Variants in MUC12 observed in about 807,000 individuals in gnomAD.
MUC12 encodes the protein mucin 12, cell surface associated.
Under a neutral mutation model 230.8 loss-of-function variants are expected in MUC12, and 172 were observed. The ratio of observed to expected loss-of-function variants is 0.75; its 90% CI spans 0.66 to 0.85. The LOEUF (loss-of-function observed/expected upper bound fraction) is 0.85. MUC12 is among the 40% of genes least tolerant of loss of function. The pLI is 0.00. For synonymous variants in MUC12, 1,259 were observed against 2,401.9 expected, an observed-to-expected ratio of 0.52 and a Z score of 13.91; for missense variants, 3,506 against 5,920.6, an observed-to-expected ratio of 0.59 and a Z score of 13.38.
At position 100,991,938 on chromosome 7, in the gene MUC12, T is replaced by G. The variant is rs1793322327; in HGVS notation, c.1375T>G (p.Ser459Ala). 2.0e-6 allele frequency: 3 copies of G among 1,537,818 alleles called. No homozygotes were observed. The highest frequency in any genetic ancestry group is 2.6e-6 in the Non-Finnish European group (3 of 1,147,050). ...AGTCTTACCTGCCGGCTCTACACCCTCAGTTCTTGTTGGAGACTCGACGCC... is the reference window on the plus strand; with the variant it reads ...AGTCTTACCTGCCGGCTCTACACCCGCAGTTCTTGTTGGAGACTCGACGCC... ...TTVLPAGSTP[S>A]VLVGDSTPSP... Residue 459 changes from serine to alanine, a missense_variant, in exon 2 of 12, where the codon TCA becomes GCA. By Grantham distance (99) the Ser-to-Ala change is moderately conservative. Coordinates refer to ENST00000536621, the MANE Select transcript of MUC12 (RefSeq NM_001164462.2).
At position 101,002,776 on chromosome 7, in the gene MUC12, T is replaced by A. The variant is rs1445358320; in HGVS notation, c.12213T>A (p.Thr4071=). Reference sequence around the variant, plus strand: ...TGACCCCTGCCAGCTCCACAAGCACTGGCCTTCAGGAAGAATCTACCACTT... The same window carrying A: ...TGACCCCTGCCAGCTCCACAAGCACAGGCCTTCAGGAAGAATCTACCACTT... ...TTLTPASSTS[T]GLQEESTTFQ... is the part of the protein sequence containing the mutation. Residue 4071 remains threonine (T), a synonymous_variant, in exon 2 of 12, where the codon ACT becomes ACA. Transcript: ENST00000536621. 5.2e-6 allele frequency: 6 copies of A among 1,163,862 alleles called. 1 individual carries two copies. Among genetic ancestry groups the A allele is most frequent in the Non-Finnish European group, 7.2e-6 (6 of 832,350 alleles). 72.1% of individuals were successfully genotyped at this position (1,163,862 alleles called of 1,614,324 possible).
rs961920923 is a variant in MUC12 at position 101,013,965 on chromosome 7, A to G, written c.15691A>G (p.Ile5231Val). The G allele has an allele frequency of 2.6e-6, 4 of 1,536,600 alleles. No homozygotes were observed. The Admixed American group carries it at 7.9e-5, about 30-fold the overall frequency. Reference sequence around the variant, plus strand: ...CTGGGGAGAGACCTGTGAATTCAACATCGCCAAGAGCCTCGTGTATGGGAT... The same window carrying G: ...CTGGGGAGAGACCTGTGAATTCAACGTCGCCAAGAGCCTCGTGTATGGGAT... ...WYWGETCEFN[I>V]AKSLVYGIVG... Residue 5231 changes from isoleucine (I) to valine (V), a missense_variant, in exon 9 of 12, where the codon ATC becomes GTC. Ile to Val is a conservative substitution (Grantham distance 29, BLOSUM62 3). Coordinates refer to ENST00000536621, the MANE Select transcript of MUC12 (RefSeq NM_001164462.2).
At chr7:101,017,504 G>T in intron 10 of MUC12, 71 bp from the exon 11 acceptor site, 1 of 986,014 alleles carries the variant, frequency 1.0e-6, no homozygotes, top group Non-Finnish European at 1.5e-6. Flanking sequence ...TTTTGCCAGA[G>T]GAAATCCCCT....
intron 9 of MUC12, 138 bp downstream of exon 9, chr7:101,014,212 G>T: frequency 9.9e-7 from 1 of 1,005,562 alleles, no homozygotes; most frequent in Non-Finnish European, 1.4e-6. Flanking sequence ...GGGGTGCCCA[G>T]ACCCTCCCAG....
chr7:101,004,727 GA>G lies in MUC12; in HGVS notation c.14167del (p.Thr4723GlnfsTer3), dbSNP rs1793705249. ...TTFYISPGSM[E>X]TTLASTATTP... ...CTTCTATATCTCTCCAGGCTCAATG[GA>G]AACAACATTAGCCAGCACTGCCACA... On this transcript the variant is annotated frameshift_variant, in exon 2 of 12. Transcript: ENST00000536621. LOFTEE classifies it high-confidence loss of function. 1 of 1,536,938 alleles carries G rather than the reference GA, an allele frequency of 6.5e-7. No homozygotes were observed. The highest frequency in any genetic ancestry group is 2.4e-5 in the East Asian group (1 of 40,904).
Position 101,004,575 on chromosome 7 carries a change from C to T in MUC12, c.14012C>T (p.Pro4671Leu). ...GGCTCAATTGCAACAACACACTTTC[C>T]TGAGAGCTCCACAACCTCCGGCCGT... ...SPGSIATTHFPESSTTSGRSE... is the reference protein window; with the variant it reads ...SPGSIATTHFLESSTTSGRSE... The change falls in exon 2 of 12, where the codon CCT becomes CTT. Residue 4671 changes from proline (P) to leucine (L), a missense_variant. Transcript: ENST00000536621. 4 of 1,537,570 alleles carry T rather than the reference C, an allele frequency of 2.6e-6. No homozygotes were observed. Among genetic ancestry groups the T allele is most frequent in the Admixed American group, 2.0e-5 (1 of 50,988 alleles).
intron 1 of MUC12, among the ~76,000 whole-genome samples, chr7:100,986,425 A>C (rs560028142): frequency 6.6e-6 from 1 of 151,736 alleles, no homozygotes; most frequent in Admixed American, 6.6e-5. Flanking sequence ...CTCAAAAAAA[A>C]AAAAGAAAAA....
intron 11 of MUC12, among the ~76,000 whole-genome samples, chr7:101,018,294 C>T (rs1584850943): frequency 7.8e-6 from 1 of 128,402 alleles, no homozygotes; most frequent in South Asian, 2.9e-4. Context: ...TTAGGACTCC[C>T]TCCCTCTCCC....
rs1431281550 is a variant in MUC12, at chr7:100,991,597, C to A, written c.1034C>A (p.Pro345Gln). The A allele has an allele frequency of 6.5e-7, 1 of 1,536,746 alleles. No individual in the cohort carries two copies. Among genetic ancestry groups the A allele is most frequent in the Admixed American group, 2.0e-5 (1 of 50,936 alleles). Residue 345 changes from proline to glutamine, a missense_variant, in exon 2 of 12, where the codon CCA becomes CAA. Physicochemically the swap from Pro to Gln is moderately conservative, Grantham distance 76 (BLOSUM62 -1). Transcript: ENST00000536621. Reference sequence around the variant, plus strand: ...CCAGTTGCAACTGCAACAACACCCCCACCTGCCCGCTCCGCGACCTCAGGC... The same window carrying A: ...CCAGTTGCAACTGCAACAACACCCCAACCTGCCCGCTCCGCGACCTCAGGC... ...SSPVATATTP[P>Q]PARSATSGHV... is the part of the protein sequence containing the mutation.
At chr7:101,018,557 C>T (rs1262833344) in intron 11 of MUC12, 38 bp from the exon 12 acceptor site, 1 of 1,532,918 alleles carries the variant, frequency 6.5e-7, no homozygotes, top group Non-Finnish European at 8.7e-7. Context: ...TTTCCCGGGT[C>T]TGCCCCTTGG....
intron 1 of MUC12, 43 bp from the exon 2 acceptor site, chr7:100,990,588 G>C (rs760958413): frequency 1.2e-5 from 18 of 1,536,274 alleles, no homozygotes; most frequent in Non-Finnish European, 1.6e-5. Flanking sequence ...TGAGGAGACA[G>C]TCATAAATCA....
chr7:100,983,774 C>T (rs1563086965), intron 1 of MUC12, among the ~76,000 whole-genome samples: 2 of 152,134 alleles, frequency 1.3e-5, no homozygotes, highest in Admixed American at 6.5e-5. Flanking sequence ...TGGAGATAAC[C>T]ATAAACGTCC....
In MUC12 at chr7:101,004,471, C is replaced by T; in HGVS notation, c.13908C>T (p.Ser4636=). 2 of 1,530,368 alleles carry T rather than the reference C, an allele frequency of 1.3e-6. No individual in the cohort carries two copies. Among genetic ancestry groups the T allele is most frequent in the Non-Finnish European group, 1.7e-6 (2 of 1,145,228 alleles). 94.8% of individuals were successfully genotyped at this position (1,530,368 alleles called of 1,614,324 possible). A position where few individuals can be genotyped will look rare whatever the true frequency, so the allele number is the denominator to read the frequency against. The change falls in exon 2 of 12, where the codon AGC becomes AGT. Residue 4636 remains serine (S), a synonymous_variant. Transcript: ENST00000536621. ...AAGAATCAAGAACTTCCCACAGCAGCACAACACACACAATATCTTCACCTC... is the reference window on the plus strand; with the variant it reads ...AAGAATCAAGAACTTCCCACAGCAGTACAACACACACAATATCTTCACCTC... ...RSEESRTSHS[S]TTHTISSPPS...
At chr7:100,981,514 G>T (rs949042695) in intron 1 of MUC12, 1 of 475,702 alleles carries the variant, frequency 2.1e-6, no homozygotes, top group Non-Finnish European at 3.8e-6. Context: ...GGAGGTGAGG[G>T]TGTCCTAGGA....
In MUC12 at chr7:101,009,179, G is replaced by T. The variant is rs1319604863; in HGVS notation, c.15251+20G>T. The T allele has an allele frequency of 6.5e-7, 1 of 1,535,288 alleles. No homozygotes were observed. The highest frequency in any genetic ancestry group is 8.7e-7 in the Non-Finnish European group (1 of 1,144,716). On this transcript the variant is annotated intron_variant, in intron 5 of 11. Coordinates refer to ENST00000536621, the MANE Select transcript of MUC12 (RefSeq NM_001164462.2). ...ATTGCTGTGAGTATATTGGGGGGCAGGTTTATAGATGTGGGGAAATCCTCC... is the reference window on the plus strand; with the variant it reads ...ATTGCTGTGAGTATATTGGGGGGCATGTTTATAGATGTGGGGAAATCCTCC...
rs568295854 is a variant in MUC12 at position 100,983,913 on chromosome 7, C to G, written c.68-6718C>G. 9.2e-4 allele frequency among the ~76,000 whole-genome samples: 140 copies of G among 152,182 alleles called. 2 individuals are homozygous for G. Among genetic ancestry groups the G allele is most frequent in the Non-Finnish European group, 1.6e-3 (111 of 67,996 alleles). On this transcript the variant is annotated intron_variant, in intron 1 of 11. Coordinates refer to ENST00000536621, the MANE Select transcript of MUC12 (RefSeq NM_001164462.2). ...TTTTAAAAGAAGAAGGAAAAAATGACAAATCAAGTATCACCTCCTCCTGGA... is the reference window on the plus strand; with the variant it reads ...TTTTAAAAGAAGAAGGAAAAAATGAGAAATCAAGTATCACCTCCTCCTGGA...
In MUC12 at chr7:101,012,805, T is replaced by A. The variant is rs755695120; in HGVS notation, c.15404-14T>A. On this transcript the variant is annotated splice_polypyrimidine_tract_variant and intron_variant, in intron 6 of 11. Transcript: ENST00000536621. Reference sequence around the variant, plus strand: ...TGTTTCTATTCCATCTTCCTTCCCATCCACTCTCGGCAGAGGCCATACTGT... The same window carrying A: ...TGTTTCTATTCCATCTTCCTTCCCAACCACTCTCGGCAGAGGCCATACTGT... The A allele has an allele frequency of 1.1e-5, 17 of 1,536,846 alleles. No individual in the cohort carries two copies. The highest frequency in any genetic ancestry group is 6.1e-6 in the Non-Finnish European group (7 of 1,146,686).
In MUC12 at chr7:101,005,334, C is replaced by T. The variant is rs1195727102; in HGVS notation, c.14771C>T (p.Ser4924Phe). 2.6e-6 allele frequency: 4 copies of T among 1,537,934 alleles called. No individual in the cohort carries two copies. The highest frequency in any genetic ancestry group is 3.9e-5 in the Admixed American group (2 of 51,012). Residue 4924 changes from serine to phenylalanine, a missense_variant, in exon 2 of 12, where the codon TCC (serine) becomes TTC (phenylalanine). Transcript: ENST00000536621. ...ATGTTPLPAR[S>F]TASDLVGEPT... is the part of the protein sequence containing the mutation. Reference sequence around the variant, plus strand: ...GGAACAACACCCTTACCTGCCCGCTCCACAGCCTCAGACCTTGTTGGAGAA... The same window carrying T: ...GGAACAACACCCTTACCTGCCCGCTTCACAGCCTCAGACCTTGTTGGAGAA...
At chr7:101,014,896 C>T (rs1311403443) in intron 9 of MUC12, among the ~76,000 whole-genome samples, 2 of 152,186 alleles carry the variant, frequency 1.3e-5, no homozygotes, top group Non-Finnish European at 2.9e-5. Flanking sequence ...AGTCCTCTCA[C>T]CTCAGCCTAC....
Sources: allele counts gnomAD v4.1 joint callset (sites outside exome capture counted in the v4.1 genomes callset), GRCh38; gene constraint gnomAD v4.1.1; transcripts MANE v1.5; gene names NCBI Gene and HGNC (gene_info 2026-07-23, HGNC 2026-07-21).